PCDH7: variants seen among roughly 807,000 people sequenced by gnomAD.
PCDH7 encodes protocadherin 7.
Under a neutral mutation model 58.9 loss-of-function variants are expected in PCDH7, and 17 were observed. That is an observed-to-expected ratio of 0.29 (90% CI 0.20 to 0.43). PCDH7 has a LOEUF of 0.43. Among genes scored for constraint, PCDH7 ranks in the 20% least tolerant of loss-of-function variants. PCDH7 has a pLI of 1.00. For missense variants in PCDH7, 1,274 were observed against 1,441.0 expected (o/e 0.88, Z 1.88); for synonymous variants, 664 against 616.4 (o/e 1.08, Z -1.14).
chr4:30,988,536 T>C (rs1332897727), intron 3 of PCDH7, among the ~76,000 whole-genome samples: 1 of 152,200 alleles, frequency 6.6e-6, no homozygotes, highest in African/African-American at 2.4e-5. Flanking sequence ...CTTGGATTGT[T>C]GAAACAAGAA....
intron 2 of PCDH7, among the ~76,000 whole-genome samples, chr4:30,924,456 T>C (rs539430041): frequency 6.6e-6 from 1 of 152,334 alleles, no homozygotes; most frequent in Non-Finnish European, 1.5e-5. Context: ...GTGAGTGAAT[T>C]TGACAATGTA....
At chr4:31,139,662 G>A (rs1302503258) in intron 3 of PCDH7, among the ~76,000 whole-genome samples, 9 of 152,120 alleles carry the variant, frequency 5.9e-5, no homozygotes. Context: ...TTCCACTCAT[G>A]CCCTTCTTTA....
At chr4:30,839,857 C>A (rs1283017845) in intron 1 of PCDH7, among the ~76,000 whole-genome samples, 1 of 152,090 alleles carries the variant, frequency 6.6e-6, no homozygotes, top group South Asian at 2.1e-4. Flanking sequence ...TACAGTATAT[C>A]TATTGCTGAC....
rs1009815963 is a variant in PCDH7, at chr4:30,723,054, C to T, written c.1632C>T (p.Phe544=). The T allele has an allele frequency of 6.2e-7, 1 of 1,613,874 alleles. No homozygotes were observed. Among genetic ancestry groups the T allele is most frequent in the Non-Finnish European group, 8.5e-7 (1 of 1,180,042 alleles). The change falls in exon 1 of 2, where the codon TTC becomes TTT. Residue 544 remains phenylalanine (F), a synonymous_variant. Coordinates refer to ENST00000361762, the Ensembl canonical transcript of PCDH7. This position sits in a 1 kb window ranked among gnomAD's most constrained non-coding sequence, Gnocchi z 4.6. ...GCCAGTCGGTGGTGGAGGTTTACTT[C>T]CCTGAGAACAACATCCCGGGCGAGA...
Position 31,074,784 on chromosome 4 carries a change from C to CAAAAAA in PCDH7, c.*8-67671_*8-67666dup, listed in dbSNP as rs1157267696. On this transcript the variant is annotated intron_variant, in intron 3 of 3. Transcript: ENST00000509759. ...TGGGCTACAGAGGGAGATTCCGTCT[C>CAAAAAA]AAAAAAAAAAAAAAAAAAAAAAAGC... Among the ~76,000 whole-genome samples, 42 of 52,468 alleles carry CAAAAAA rather than the reference C, an allele frequency of 8.0e-4. 1 individual carries two copies. Among genetic ancestry groups the CAAAAAA allele is most frequent in the Middle Eastern group, 0.013 (1 of 80 alleles). The allele number at this position is 52,468 out of a possible 152,430, so 34.4% of individuals were successfully genotyped here.
exon 2 of PCDH7, chr4:30,730,756 C>T (rs367733138): frequency 4.6e-5 from 74 of 1,595,560 alleles, no homozygotes; most frequent in Middle Eastern, 1.7e-4. Context: ...CTTTCAGATG[C>T]GTCTACATCC....
intron 3 of PCDH7, among the ~76,000 whole-genome samples, chr4:31,065,233 G>A (rs569342660): frequency 6.6e-6 from 1 of 152,040 alleles, no homozygotes; most frequent in East Asian, 1.9e-4. Flanking sequence ...TAAGATCTGT[G>A]TGGCAGCTTC....
chr4:31,140,319 G>T (rs1485562136), intron 3 of PCDH7, among the ~76,000 whole-genome samples: 1 of 152,100 alleles, frequency 6.6e-6, no homozygotes, highest in Non-Finnish European at 1.5e-5. Context: ...TAAGTGAAAT[G>T]ACATATTGTG....
At chr4:30,825,622 T>C (rs1729007579) in intron 1 of PCDH7, among the ~76,000 whole-genome samples, 1 of 152,154 alleles carries the variant, frequency 6.6e-6, no homozygotes, top group Admixed American at 6.6e-5. Context: ...TCCTAAGTAG[T>C]TTCCTTTCCA....
In PCDH7 at chr4:30,830,572, G is replaced by C. The variant is rs561691510; in HGVS notation, c.71-89581G>C. On this transcript the variant is annotated intron_variant, in intron 1 of 3. Transcript: ENST00000509759. Reference sequence around the variant, plus strand: ...GTCTGGCTCTCATTTCCTCAGTTTAGATAGGACTTGTTTTTCTTCATTTAT... The same window carrying C: ...GTCTGGCTCTCATTTCCTCAGTTTACATAGGACTTGTTTTTCTTCATTTAT... 2.0e-5 allele frequency among the ~76,000 whole-genome samples: 3 copies of C among 151,892 alleles called. No homozygotes were observed. The East Asian group carries it at 5.8e-4, about 29-fold the overall frequency.
At chr4:30,896,470 A>G (rs1739400671) in intron 1 of PCDH7, among the ~76,000 whole-genome samples, 1 of 152,150 alleles carries the variant, frequency 6.6e-6, no homozygotes, top group Admixed American at 6.5e-5. Context: ...ATTTTTATAA[A>G]AGTTATAAAG....
At chr4:30,874,046 C>T (rs1735954843) in intron 1 of PCDH7, among the ~76,000 whole-genome samples, 1 of 151,984 alleles carries the variant, frequency 6.6e-6, no homozygotes, top group Non-Finnish European at 1.5e-5. Context: ...CAGGAAACAA[C>T]AGGTGCTGGA....
At chr4:30,845,737 C>T (rs1201801637) in intron 1 of PCDH7, among the ~76,000 whole-genome samples, 1 of 152,036 alleles carries the variant, frequency 6.6e-6, no homozygotes, top group Non-Finnish European at 1.5e-5. Context: ...GTAGCTGAGA[C>T]TACAAGTGTG....
chr4:30,909,985 C>A (rs767075963), intron 1 of PCDH7, among the ~76,000 whole-genome samples: 11 of 152,026 alleles, frequency 7.2e-5, no homozygotes, highest in Non-Finnish European at 1.6e-4. Flanking sequence ...AATATGTAGA[C>A]CAATGGAACA....
intron 3 of PCDH7, among the ~76,000 whole-genome samples, chr4:30,997,452 G>T (rs1752001074): frequency 6.6e-6 from 1 of 152,104 alleles, no homozygotes; most frequent in Admixed American, 6.5e-5. Context: ...ATATAATTTA[G>T]AAAATATAAA....
chr4:30,904,159 T>G (rs1433848715), intron 1 of PCDH7, among the ~76,000 whole-genome samples: 1 of 152,160 alleles, frequency 6.6e-6, no homozygotes, highest in Admixed American at 6.5e-5. Flanking sequence ...ACCTACTATA[T>G]AAGTTTTCTA....
chr4:30,976,221 T>A (rs906445361), intron 3 of PCDH7, among the ~76,000 whole-genome samples: 3 of 152,036 alleles, frequency 2.0e-5, no homozygotes, highest in Non-Finnish European at 4.4e-5. Context: ...TGGCGTGATC[T>A]CGGCTCACCA....
At chr4:30,801,773 G>A (rs548421079) in intron 1 of PCDH7, among the ~76,000 whole-genome samples, 13 of 152,288 alleles carry the variant, frequency 8.5e-5, no homozygotes, top group Non-Finnish European at 1.0e-4. Context: ...CAGCTCCAGA[G>A]GGTAGAAGTA....
chr4:30,853,347 A>C, intron 1 of PCDH7, among the ~76,000 whole-genome samples: 1 of 152,096 alleles, frequency 6.6e-6, no homozygotes, highest in East Asian at 1.9e-4. Context: ...AGTATTAGAT[A>C]TTTAGGAAAT....
Sources: gnomAD v4.1 joint callset for allele counts (sites outside exome capture counted in the v4.1 genomes callset) on GRCh38, gnomAD v4.1.1 for gene constraint, Gnocchi (gnomAD v3.1) non-coding constraint, MANE v1.5 for transcripts, NCBI Gene and HGNC (gene_info 2026-07-23, HGNC 2026-07-21) for gene names.